FER: variants seen among roughly 807,000 people sequenced by gnomAD.
FER encodes the protein FER tyrosine kinase.
FER carries 63 observed loss-of-function variants against 111.0 expected under a neutral mutation model. The observed-to-expected ratio is 0.57, with a 90% confidence interval of 0.46 to 0.70. FER has a LOEUF of 0.70. Ranked by LOEUF, FER falls within the 30% of genes least tolerant of loss-of-function variation. The pLI, the probability that FER is intolerant of heterozygous loss-of-function variation, is 0.00. For synonymous variants in FER, 327 were observed against 313.9 expected (o/e 1.04, Z -0.44); for missense variants, 914 against 954.0 (o/e 0.96, Z 0.55).
At chr5:109,182,336 G>A (rs78991970) in intron 18 of FER, among the ~76,000 whole-genome samples, 13,234 of 152,192 alleles carry the variant, frequency 0.087, 650 homozygotes, top group Middle Eastern at 0.15. Flanking sequence ...GTCTTTCAGC[G>A]TGTCAGCAAG....
intron 9 of FER, among the ~76,000 whole-genome samples, chr5:108,893,840 A>G (rs1472470324): frequency 6.6e-6 from 1 of 152,124 alleles, no homozygotes; most frequent in Non-Finnish European, 1.5e-5. Flanking sequence ...AAGTGTTCCT[A>G]CTTACAGTGG....
At chr5:109,053,983 G>A (rs148338496) in intron 16 of FER, among the ~76,000 whole-genome samples, 3,915 of 152,070 alleles carry the variant, frequency 0.026, 79 homozygotes, top group Non-Finnish European at 0.04. Flanking sequence ...GAGCCACTGC[G>A]CCCGGCCTGG....
At chr5:109,046,767 A>G (rs1314794327) in intron 15 of FER, among the ~76,000 whole-genome samples, 2 of 152,132 alleles carry the variant, frequency 1.3e-5, no homozygotes, top group Non-Finnish European at 2.9e-5. Context: ...TATAACATTT[A>G]CATTATATTA....
At chr5:109,138,534 T>G (rs1203112948) in intron 17 of FER, among the ~76,000 whole-genome samples, 1 of 152,180 alleles carries the variant, frequency 6.6e-6, no homozygotes, top group Non-Finnish European at 1.5e-5. Context: ...AAAAGAAAAA[T>G]TCAAGACCTT....
chr5:108,890,848 C>G (rs1041945276), intron 9 of FER, among the ~76,000 whole-genome samples: 1 of 152,070 alleles, frequency 6.6e-6, no homozygotes, highest in East Asian at 1.9e-4. Context: ...AAATAAAGGT[C>G]TCCAAACATT....
chr5:109,063,831 G>C (rs2149973733), intron 16 of FER, among the ~76,000 whole-genome samples: 1 of 152,230 alleles, frequency 6.6e-6, no homozygotes, highest in South Asian at 2.1e-4. Context: ...TGCAATTATA[G>C]ATTAGTGCAC....
intron 3 of FER, among the ~76,000 whole-genome samples, chr5:108,819,456 C>T (rs972665442): frequency 6.6e-6 from 1 of 152,132 alleles, no homozygotes; most frequent in Non-Finnish European, 1.5e-5. Flanking sequence ...GTGAGCTCTT[C>T]CATTATTTAG....
At chr5:109,002,772 GA>G (rs1412673822) in intron 13 of FER, among the ~76,000 whole-genome samples, 5 of 151,450 alleles carry the variant, frequency 3.3e-5, no homozygotes, top group African/African-American at 7.3e-5. Flanking sequence ...AAATTTACAA[GA>G]AAAAAACAAC....
intron 10 of FER, among the ~76,000 whole-genome samples, chr5:108,922,794 C>G (rs1367157984): frequency 1.3e-5 from 2 of 152,038 alleles, no homozygotes; most frequent in African/African-American, 4.8e-5. Flanking sequence ...CTGAATATAT[C>G]AACACTTAAG....
intron 17 of FER, among the ~76,000 whole-genome samples, chr5:109,161,703 C>A (rs375826586): frequency 6.6e-6 from 1 of 151,968 alleles, no homozygotes; most frequent in Non-Finnish European, 1.5e-5. Context: ...AGTGAATATA[C>A]GCGTATATGT....
At chr5:108,921,505 A>G (rs999575944) in intron 10 of FER, among the ~76,000 whole-genome samples, 2 of 152,132 alleles carry the variant, frequency 1.3e-5, no homozygotes, top group African/African-American at 2.4e-5. Flanking sequence ...TATTTTTTGA[A>G]TATTGAACAA....
rs184229807 is a variant in FER, at chr5:108,824,503, G to C, written c.208-8267G>C. On this transcript the variant is annotated intron_variant, in intron 3 of 19. Coordinates refer to ENST00000281092, the MANE Select transcript of FER (RefSeq NM_005246.4). ...AATATCTTATAGTTTTCAGTGCAAA[G>C]ACCTTTCACTTCCTTGGTTAAATTT... is the stretch of plus-strand genomic sequence containing the variant. 3.9e-5 allele frequency among the ~76,000 whole-genome samples: 6 copies of C among 152,092 alleles called. No homozygotes were observed. In the East Asian group the frequency reaches 1.2e-3, roughly 29 times the overall value.
At chr5:108,927,368 G>C (rs1043372231) in intron 10 of FER, among the ~76,000 whole-genome samples, 5 of 148,618 alleles carry the variant, frequency 3.4e-5, no homozygotes, top group Non-Finnish European at 5.9e-5. Flanking sequence ...TCACGCCATT[G>C]TTCTGCCTCA....
At chr5:109,075,954 A>T (rs943967880) in intron 16 of FER, among the ~76,000 whole-genome samples, 8 of 152,072 alleles carry the variant, frequency 5.3e-5, no homozygotes, top group African/African-American at 1.9e-4. Context: ...AACACTAATT[A>T]TTTTTATAAT....
intron 11 of FER, among the ~76,000 whole-genome samples, chr5:108,953,641 G>T (rs184482994): frequency 2.0e-5 from 3 of 152,064 alleles, no homozygotes; most frequent in Admixed American, 2.0e-4. Flanking sequence ...TTAAAAACCA[G>T]TTTTTACTTA....
intron 17 of FER, among the ~76,000 whole-genome samples, chr5:109,122,652 A>T (rs540394696): frequency 2.0e-5 from 3 of 152,302 alleles, no homozygotes; most frequent in East Asian, 1.9e-4. Context: ...GGTATGTCCA[A>T]TGCGGAAAGT....
chr5:108,923,524 G>A (rs1023974145), intron 10 of FER, among the ~76,000 whole-genome samples: 23 of 152,120 alleles, frequency 1.5e-4, no homozygotes, highest in African/African-American at 5.5e-4. Flanking sequence ...CCCTTAGAAA[G>A]AATGTTCTGT....
chr5:108,968,192 G>A (rs535063129), intron 13 of FER, among the ~76,000 whole-genome samples: 1 of 152,300 alleles, frequency 6.6e-6, no homozygotes, highest in East Asian at 1.9e-4. Flanking sequence ...TTCGAGACAA[G>A]CCTGGCCAAC....
chr5:109,082,168 T>C (rs1237171085), intron 16 of FER, among the ~76,000 whole-genome samples: 1 of 151,982 alleles, frequency 6.6e-6, no homozygotes, highest in East Asian at 1.9e-4. Context: ...CCTTTGAGCG[T>C]TATTCTTTCT....
Sources: gnomAD v4.1 joint callset for allele counts (sites outside exome capture counted in the v4.1 genomes callset) on GRCh38, gnomAD v4.1.1 for gene constraint, MANE v1.5 for transcripts, NCBI Gene and HGNC (gene_info 2026-07-23, HGNC 2026-07-21) for gene names.